THSD7B: variants seen among roughly 807,000 people sequenced by gnomAD.
THSD7B encodes the protein thrombospondin type-1 domain-containing protein 7B.
Under a neutral mutation model 213.6 loss-of-function variants are expected in THSD7B, and 138 were observed. The ratio of observed to expected loss-of-function variants is 0.65; its 90% CI spans 0.56 to 0.74. THSD7B has a LOEUF of 0.74. THSD7B is among the 30% of genes least tolerant of loss of function. The pLI is 0.00. For synonymous variants in THSD7B, 742 were observed against 687.0 expected, an observed-to-expected ratio of 1.08 and a Z score of -1.25; for missense variants, 1,931 against 1,991.5, an observed-to-expected ratio of 0.97 and a Z score of 0.58.
At chr2:137,093,509 C>G (rs1185785662) in intron 3 of THSD7B, among the ~76,000 whole-genome samples, 1 of 152,222 alleles carries the variant, frequency 6.6e-6, no homozygotes, top group Non-Finnish European at 1.5e-5. Context: ...GTAGAGCTAG[C>G]TCCAGTATAC....
chr2:137,665,461 G>A (rs79296208), intron 26 of THSD7B, among the ~76,000 whole-genome samples: 3,817 of 151,760 alleles, frequency 0.025, 137 homozygotes, highest in African/African-American at 0.086. Flanking sequence ...GTTTATATTT[G>A]TATCTATATA....
intron 20 of THSD7B, among the ~76,000 whole-genome samples, chr2:137,629,120 G>T (rs1017242105): frequency 6.6e-6 from 1 of 152,092 alleles, no homozygotes; most frequent in African/African-American, 2.4e-5. Flanking sequence ...TGCCTAGATG[G>T]TTCTGGACCA....
Position 137,383,061 on chromosome 2 carries a change from TCTAATGAGG to T in THSD7B, c.2501-22549_2501-22541del, listed in dbSNP as rs770314002. 2.1e-4 allele frequency among the ~76,000 whole-genome samples: 32 copies of T among 152,320 alleles called. 1 individual carries two copies. The highest frequency in any genetic ancestry group is 9.8e-4 in the Admixed American group (15 of 15,302). On this transcript the variant is annotated intron_variant, in intron 12 of 27. Transcript: ENST00000409968. ...GTAATCTGTACCAATAGCTGGATGT[TCTAATGAGG>T]CTTGACCTTGTGGTTAACCACCTGG...
In THSD7B at chr2:137,242,517, CTG is replaced by C; in HGVS notation, c.2213_2214del (p.Cys738TyrfsTer7). 6.2e-7 allele frequency: 1 copy of C among 1,613,908 alleles called. No homozygotes were observed. Among genetic ancestry groups the C allele is most frequent in the Non-Finnish European group, 8.5e-7 (1 of 1,179,824 alleles). Reference protein sequence around the residue: ...RPCFLPCKKDCIVTAFSEWTP... With the variant: ...RPCFLPCKKDXIVTAFSEWTP... ...CCTGTTTTCTCCCATGCAAAAAAGA[CTG>C]TATTGTGACTGCTTTCAGTGAGTGG... is the stretch of plus-strand genomic sequence containing the variant. On this transcript the variant is annotated frameshift_variant, in exon 10 of 28. Coordinates refer to ENST00000409968, the MANE Select transcript of THSD7B (RefSeq NM_001316349.2). LOFTEE classifies it high-confidence loss of function.
intron 2 of THSD7B, among the ~76,000 whole-genome samples, chr2:136,951,856 AT>A (rs1685044072): frequency 6.6e-6 from 1 of 152,024 alleles, no homozygotes; most frequent in African/African-American, 2.4e-5. Context: ...TTTAAAATTT[AT>A]TTTTATTGGT....
At chr2:137,105,013 A>T (rs542309815) in intron 4 of THSD7B, among the ~76,000 whole-genome samples, 1 of 152,352 alleles carries the variant, frequency 6.6e-6, no homozygotes, top group East Asian at 1.9e-4. Context: ...TTCTGAAACT[A>T]TTCCAAACAA....
chr2:137,583,293 G>A (rs1345189594), intron 17 of THSD7B, among the ~76,000 whole-genome samples: 1 of 152,236 alleles, frequency 6.6e-6, no homozygotes, highest in African/African-American at 2.4e-5. Context: ...TAGGTTGCCT[G>A]TTCACTCTGA....
chr2:137,435,665 A>C (rs1012546069), intron 14 of THSD7B, among the ~76,000 whole-genome samples: 6 of 152,126 alleles, frequency 3.9e-5, no homozygotes, highest in Non-Finnish European at 8.8e-5. Context: ...AATCAAACTG[A>C]TATACTATTA....
At chr2:137,492,631 G>A (rs1489146888) in intron 15 of THSD7B, among the ~76,000 whole-genome samples, 7 of 152,058 alleles carry the variant, frequency 4.6e-5, no homozygotes, top group Admixed American at 2.6e-4. Flanking sequence ...TAGACATTCT[G>A]GGCCCCATTT....
chr2:137,366,687 G>T (rs193230637), intron 12 of THSD7B, among the ~76,000 whole-genome samples: 1 of 151,604 alleles, frequency 6.6e-6, no homozygotes, highest in East Asian at 1.9e-4. Context: ...ATCTTGCAAA[G>T]ATCTAAGAAA....
At chr2:137,143,917 G>T (rs1223323622) in intron 5 of THSD7B, among the ~76,000 whole-genome samples, 2 of 151,928 alleles carry the variant, frequency 1.3e-5, no homozygotes, top group Non-Finnish European at 2.9e-5. Context: ...CTGATGTACT[G>T]CCTGGTGGTT....
intron 12 of THSD7B, among the ~76,000 whole-genome samples, chr2:137,365,122 CA>C: frequency 6.6e-6 from 1 of 152,004 alleles, no homozygotes; most frequent in Non-Finnish European, 1.5e-5. Context: ...ACAAACATGA[CA>C]AAAACAAGAA....
At chr2:137,559,200 A>C (rs999556169) in intron 15 of THSD7B, among the ~76,000 whole-genome samples, 4 of 152,158 alleles carry the variant, frequency 2.6e-5, no homozygotes, top group Non-Finnish European at 5.9e-5. Flanking sequence ...TCTTCACAGA[A>C]TTGGAAAAAA....
intron 2 of THSD7B, among the ~76,000 whole-genome samples, chr2:136,993,309 C>G (rs1685822250): frequency 6.6e-6 from 1 of 152,202 alleles, no homozygotes; most frequent in Non-Finnish European, 1.5e-5. Flanking sequence ...CAGTGTGCTC[C>G]TTTCCTCCTG....
At chr2:137,594,735 C>T (rs1291253576) in intron 17 of THSD7B, among the ~76,000 whole-genome samples, 5 of 151,786 alleles carry the variant, frequency 3.3e-5, no homozygotes, top group East Asian at 1.9e-4. Context: ...ATTGCATTGT[C>T]GATTTCTTAC....
At chr2:137,280,251 G>A (rs187139624) in intron 12 of THSD7B, among the ~76,000 whole-genome samples, 2 of 152,244 alleles carry the variant, frequency 1.3e-5, no homozygotes, top group African/African-American at 4.8e-5. Context: ...AAACCCTTGG[G>A]ATGAAATTTG....
At chr2:137,447,758 G>T (rs1687570882) in intron 14 of THSD7B, among the ~76,000 whole-genome samples, 1 of 149,476 alleles carries the variant, frequency 6.7e-6, no homozygotes, top group African/African-American at 2.5e-5. Context: ...TAATCTGAAA[G>T]AAATATAAAT....
chr2:136,939,875 C>G (rs531259983), intron 2 of THSD7B, among the ~76,000 whole-genome samples: 16 of 152,192 alleles, frequency 1.1e-4, no homozygotes, highest in African/African-American at 3.4e-4. Flanking sequence ...ACCACCACCC[C>G]CCGACACACA....
At chr2:137,180,555 T>C (rs1446018563) in intron 7 of THSD7B, among the ~76,000 whole-genome samples, 5 of 152,210 alleles carry the variant, frequency 3.3e-5, no homozygotes, top group Non-Finnish European at 7.3e-5. Context: ...TCAATGTTTA[T>C]AGAATTTGAA....
Sources: gnomAD v4.1 joint callset for allele counts (sites outside exome capture counted in the v4.1 genomes callset) on GRCh38, gnomAD v4.1.1 for gene constraint, MANE v1.5 for transcripts, NCBI Gene and HGNC (gene_info 2026-07-23, HGNC 2026-07-21) for gene names.